SHC2: variants seen among roughly 807,000 people sequenced by gnomAD.
SHC2 encodes the protein SHC-transforming protein 2.
A neutral mutation model predicts 60.6 loss-of-function variants in SHC2; 62 were observed. The ratio of observed to expected loss-of-function variants is 1.02; its 90% CI spans 0.83 to 1.26. The LOEUF (loss-of-function observed/expected upper bound fraction) is 1.26. SHC2 is among the 50% of genes most tolerant of loss of function. The probability of loss-of-function intolerance (pLI) is 0.00; values close to 1 mark genes in which losing one functional copy is unlikely to be tolerated. For synonymous variants in SHC2, 375 were observed against 372.4 expected (o/e 1.01, Z -0.08); for missense variants, 873 against 822.2 (o/e 1.06, Z -0.76).
At chr19:429,962 A>G (rs10417946) in intron 9 of SHC2, among the ~76,000 whole-genome samples, 55,220 of 124,502 alleles carry the variant, frequency 0.44, 10,924 homozygotes, top group East Asian at 0.64. Context: ...ACCTAATACC[A>G]TGTGGATGAC....
At chr19:436,512 G>A (rs1330672494) in intron 5 of SHC2, 81 bp from the exon 6 acceptor site, 8 of 1,590,460 alleles carry the variant, frequency 5.0e-6, no homozygotes, top group Non-Finnish European at 6.9e-6. Flanking sequence ...AATGCAGAGA[G>A]ATGGGGCAGT....
intron 8 of SHC2, among the ~76,000 whole-genome samples, chr19:434,087 C>T (rs1324033867): frequency 1.8e-5 from 2 of 110,168 alleles, no homozygotes; most frequent in East Asian, 3.3e-4. Context: ...AGATAGATGG[C>T]GCTTCATCGT....
chr19:443,662 ATGGGTGGATGAATGGATGGATGGATGGG>A (rs1974972127), intron 1 of SHC2, among the ~76,000 whole-genome samples: 1 of 126,980 alleles, frequency 7.9e-6, no homozygotes, highest in African/African-American at 3.1e-5. Context: ...GGGTGGACAG[ATGGGTGGATGAATGGATGGATGGATGGG>A]TGGGTGGATG....
intron 9 of SHC2, 126 bp downstream of exon 9, chr19:430,558 A>G: frequency 2.8e-6 from 2 of 727,082 alleles, no homozygotes; most frequent in Non-Finnish European, 4.6e-6. Flanking sequence ...GTTAGGAGCA[A>G]GACGATCTCA....
At chr19:429,294 C>G (rs1242231128) in intron 9 of SHC2, among the ~76,000 whole-genome samples, 2 of 149,402 alleles carry the variant, frequency 1.3e-5, no homozygotes, top group Admixed American at 6.8e-5. Context: ...GACGCAGTAC[C>G]TATACCCAAC....
rs1224915343 is a variant in SHC2 at position 430,054 on chromosome 19, TAATACC to T, written c.1174+624_1174+629del. On this transcript the variant is annotated intron_variant, in intron 9 of 12. Coordinates refer to ENST00000264554, the MANE Select transcript of SHC2 (RefSeq NM_012435.3). ...CTATACCCCAACGTGCACGGAAACCTAATACCGTGTGGATGACGCAGTACCTATATC... is the reference window on the plus strand; with the variant it reads ...CTATACCCCAACGTGCACGGAAACCTGTGTGGATGACGCAGTACCTATATC... Among the ~76,000 whole-genome samples, 95 of 141,544 alleles carry T rather than the reference TAATACC, an allele frequency of 6.7e-4. 1 individual carries two copies. Among genetic ancestry groups the T allele is most frequent in the African/African-American group, 2.1e-3 (78 of 37,240 alleles). 92.9% of individuals were successfully genotyped at this position (141,544 alleles called of 152,430 possible). A position where few individuals can be genotyped will look rare whatever the true frequency, so the allele number is the denominator to read the frequency against.
chr19:458,828 C>T (rs1343296969), intron 1 of SHC2, among the ~76,000 whole-genome samples: 3 of 138,798 alleles, frequency 2.2e-5, no homozygotes, highest in Admixed American at 2.1e-4. Context: ...CTTGGGGAGG[C>T]GGAAGAGGGT....
At chr19:430,984 C>T (rs1173018354) in intron 8 of SHC2, among the ~76,000 whole-genome samples, 1 of 152,224 alleles carries the variant, frequency 6.6e-6, no homozygotes, top group African/African-American at 2.4e-5. Flanking sequence ...GCACATCCTG[C>T]CACCTTGCAA....
In SHC2 at chr19:425,517, G is replaced by A. The variant is rs993612149; in HGVS notation, c.1175-286C>T. ...GTCCACGCCCAGGGAGAAGGCAGCC[G>A]CTGCTCCACCCCACCCCGCCCTGGC... On this transcript the variant is annotated intron_variant, in intron 9 of 12. Coordinates refer to ENST00000264554, the MANE Select transcript of SHC2 (RefSeq NM_012435.3). This position sits in a 1 kb window ranked among gnomAD's most constrained non-coding sequence, Gnocchi z 4.1. 3.3e-5 allele frequency among the ~76,000 whole-genome samples: 5 copies of A among 152,200 alleles called. No homozygotes were observed. The highest frequency in any genetic ancestry group is 9.7e-5 in the African/African-American group (4 of 41,450).
intron 11 of SHC2, 50 bp from the exon 12 acceptor site, chr19:419,106 GTGGAGTAGGA>G (rs746309912): frequency 6.5e-7 from 1 of 1,528,176 alleles, no homozygotes; most frequent in South Asian, 1.2e-5. Context: ...GCCTGGACCC[GTGGAGTAGGA>G]TATTGGCGTT....
chr19:455,877 TCCCATC>T (rs1460143698), intron 1 of SHC2, among the ~76,000 whole-genome samples: 2 of 151,930 alleles, frequency 1.3e-5, no homozygotes, highest in Non-Finnish European at 2.9e-5. Context: ...CCCCAAATCA[TCCCATC>T]TCAGGGTTGC....
rs146506639 is a variant in SHC2 at position 445,650 on chromosome 19, A to C, written c.469-4718T>G. On this transcript the variant is annotated intron_variant, in intron 1 of 12. Transcript: ENST00000264554. This position sits in a 1 kb window ranked among gnomAD's most constrained non-coding sequence, Gnocchi z 4.4. ...CTACTCAGGAGGCTGAGGTGGGAGG[A>C]TGGCTTGAGCCCAGGAGGTTGAGGC... Among the ~76,000 whole-genome samples, 780 of 152,218 alleles carry C rather than the reference A, an allele frequency of 5.1e-3. 5 individuals carry two copies. Among genetic ancestry groups the C allele is most frequent in the African/African-American group, 0.018 (741 of 41,538 alleles).
At chr19:442,754 GATGA>G (rs1974921087) in intron 1 of SHC2, among the ~76,000 whole-genome samples, 1 of 116,484 alleles carries the variant, frequency 8.6e-6, no homozygotes. Flanking sequence ...TGGGTGGGTG[GATGA>G]GTGGATGGGT....
rs547579114 is a variant in SHC2 at position 456,294 on chromosome 19, G to A, written c.468+4235C>T. On this transcript the variant is annotated intron_variant, in intron 1 of 12. Coordinates refer to ENST00000264554, the MANE Select transcript of SHC2 (RefSeq NM_012435.3). ...TGCTGTGATGTAGGTGCTGGGAGAC[G>A]GGGCTCCTGGGGGACAGCGCTGGGG... Among the ~76,000 whole-genome samples the A allele has an allele frequency of 1.1e-4, 17 of 151,724 alleles. No homozygotes were observed. In the South Asian group the frequency reaches 1.3e-3, roughly 11 times the overall value.
At position 438,724 on chromosome 19, in the gene SHC2, C is replaced by T. The variant is rs371541374; in HGVS notation, c.714G>A (p.Thr238=). The change falls in exon 4 of 13, where the codon ACG becomes ACA. Residue 238 remains threonine, a synonymous_variant. Transcript: ENST00000264554. The surrounding 1 kb of genome is among the most constrained non-coding windows in gnomAD (Gnocchi z 5.0). ...TDGLSLSVPA[T]RQVIANHHMP... is the part of the protein sequence containing the mutation. ...GCGAAGAGGGCAGACCCACCTGGCG[C>T]GTGGCAGGCACGGAGAGGCTGAGGC... 92 of 1,558,282 alleles carry T rather than the reference C, an allele frequency of 5.9e-5. No individual in the cohort carries two copies. Among genetic ancestry groups the T allele is most frequent in the Non-Finnish European group, 6.8e-5 (78 of 1,152,234 alleles).
intron 1 of SHC2, among the ~76,000 whole-genome samples, chr19:454,512 C>T (rs1325963257): frequency 2.0e-5 from 3 of 152,206 alleles, no homozygotes; most frequent in Non-Finnish European, 4.4e-5. Context: ...ATGGGCCGGA[C>T]GCGACGGCGC....
intron 12 of SHC2, among the ~76,000 whole-genome samples, chr19:418,565 C>T (rs968077576): frequency 6.6e-6 from 1 of 152,206 alleles, no homozygotes; most frequent in African/African-American, 2.4e-5. Context: ...CGGCGCAATG[C>T]CCCTGGAGGA....
chr19:424,142 T>A lies in SHC2; in HGVS notation c.1309+955A>T, dbSNP rs144145417. 1.2e-3 allele frequency among the ~76,000 whole-genome samples: 188 copies of A among 152,194 alleles called. No homozygotes were observed. The highest frequency in any genetic ancestry group is 4.3e-3 in the African/African-American group (179 of 41,516). On this transcript the variant is annotated intron_variant, in intron 10 of 12. Coordinates refer to ENST00000264554, the MANE Select transcript of SHC2 (RefSeq NM_012435.3). The surrounding 1 kb of genome is among the most constrained non-coding windows in gnomAD (Gnocchi z 4.5). The stretch of plus-strand genomic sequence containing the variant: ...TACCCGGCAGCTCAGAGCCAACACC[T>A]CTCCGTGCTGGAGAAGGGCAGAGTC...
chr19:454,361 A>G (rs1600326064), intron 1 of SHC2, among the ~76,000 whole-genome samples: 1 of 152,168 alleles, frequency 6.6e-6, no homozygotes, highest in African/African-American at 2.4e-5. Flanking sequence ...CCCCACAGAG[A>G]CAGGGGACCC....
Sources: gnomAD v4.1 joint callset for allele counts (sites outside exome capture counted in the v4.1 genomes callset) on GRCh38, gnomAD v4.1.1 for gene constraint, Gnocchi (gnomAD v3.1) non-coding constraint, MANE v1.5 for transcripts, NCBI Gene and HGNC (gene_info 2026-07-23, HGNC 2026-07-21) for gene names.